Variants in SLC6A15 observed in about 807,000 individuals in gnomAD.
The protein encoded by SLC6A15 is sodium-dependent neutral amino acid transporter B(0)AT2.
Under a neutral mutation model 68.5 loss-of-function variants are expected in SLC6A15, and 33 were observed. The observed-to-expected ratio is 0.48, with a 90% confidence interval of 0.37 to 0.64. SLC6A15 has a LOEUF of 0.64. Ranked by LOEUF, SLC6A15 falls within the 30% of genes least tolerant of loss-of-function variation. The pLI is 0.00. For synonymous variants in SLC6A15, 347 were observed against 301.0 expected (o/e 1.15, Z -1.58); for missense variants, 747 against 874.3 (o/e 0.85, Z 1.84).
At chr12:84,868,747 G>A (rs2120554925) in intron 9 of SLC6A15, among the ~76,000 whole-genome samples, 3 of 152,172 alleles carry the variant, frequency 2.0e-5, no homozygotes, top group Admixed American at 2.0e-4. Flanking sequence ...ATTCCCCTTT[G>A]CTCTTTCCAA....
At chr12:84,875,728 G>T (rs2949793) in intron 6 of SLC6A15, among the ~76,000 whole-genome samples, 99,923 of 99,936 alleles carry the variant, frequency 1, 49,955 homozygotes, top group Middle Eastern at 1. Context: ...CCCTGTTAAA[G>T]CAGTATAAGA....
At position 84,892,317 on chromosome 12, in the gene SLC6A15, T is replaced by A; in HGVS notation, c.-188-9A>T. 2.2e-6 allele frequency: 1 copy of A among 462,830 alleles called. No individual in the cohort carries two copies. Among genetic ancestry groups the A allele is most frequent in the East Asian group, 3.4e-5 (1 of 29,598 alleles). 28.7% of individuals were successfully genotyped at this position (462,830 alleles called of 1,614,324 possible). ...CAGTATTCTGTAGGTACCTGTAAAA[T>A]TATAAGTTGAAATGTGATCATATTT... On this transcript the variant is annotated splice_polypyrimidine_tract_variant and intron_variant, in intron 1 of 11. Coordinates refer to ENST00000266682, the MANE Select transcript of SLC6A15 (RefSeq NM_182767.6).
chr12:84,882,689 G>A (rs771885049), intron 5 of SLC6A15: 41 of 172,810 alleles, frequency 2.4e-4, no homozygotes, highest in Non-Finnish European at 3.0e-4. Flanking sequence ...TAATAGCCAC[G>A]AAACTTTGGA....
chr12:84,890,483 C>T (rs1464554235), intron 2 of SLC6A15, among the ~76,000 whole-genome samples: 2 of 152,132 alleles, frequency 1.3e-5, no homozygotes, highest in African/African-American at 2.4e-5. Context: ...CAGGATAGTA[C>T]ATAGTTGCTT....
At chr12:84,891,020 T>C (rs1872365738) in intron 2 of SLC6A15, among the ~76,000 whole-genome samples, 1 of 152,126 alleles carries the variant, frequency 6.6e-6, no homozygotes, top group African/African-American at 2.4e-5. Flanking sequence ...TTAAATTCAG[T>C]TTGGTTTTGG....
Position 84,883,552 on chromosome 12 carries a change from A to C in SLC6A15, c.756+307T>G, listed in dbSNP as rs1871928904. On this transcript the variant is annotated intron_variant, in intron 5 of 11. Coordinates refer to ENST00000266682, the MANE Select transcript of SLC6A15 (RefSeq NM_182767.6). ...TAACTAATTGGTAATTAGAGAACTG[A>C]AACATTAGGACTAATTGAATAAAGG... 3.8e-6 allele frequency: 5 copies of C among 1,322,256 alleles called. No individual in the cohort carries two copies. The African/African-American group carries it at 6.0e-5, about 16-fold the overall frequency. 81.9% of individuals were successfully genotyped at this position (1,322,256 alleles called of 1,614,324 possible).
chr12:84,892,011 C>T lies in SLC6A15; in HGVS notation c.110G>A (p.Ser37Asn), dbSNP rs778698847. 10 of 1,614,004 alleles carry T rather than the reference C, an allele frequency of 6.2e-6. No individual in the cohort carries two copies. The highest frequency in any genetic ancestry group is 1.1e-5 in the South Asian group (1 of 91,078). Residue 37 changes from serine (S) to asparagine (N), a missense_variant, in exon 2 of 12, where the codon AGT becomes AAT. Coordinates refer to ENST00000266682, the MANE Select transcript of SLC6A15 (RefSeq NM_182767.6). Reference protein sequence around the residue: ...EDAADDAFKTSELIVDGQEEK... With the variant: ...EDAADDAFKTNELIVDGQEEK... ...TTCCTGGCCATCAACAATTAGTTCA[C>T]TTGTCTTAAAAGCATCATCAGCTGC...
chr12:84,885,189 T>C (rs1391462461), intron 4 of SLC6A15, among the ~76,000 whole-genome samples: 1 of 152,084 alleles, frequency 6.6e-6, no homozygotes, highest in Non-Finnish European at 1.5e-5. Context: ...AAGTGAAGGC[T>C]TATAATACTT....
At chr12:84,890,858 C>T (rs1872356386) in intron 2 of SLC6A15, among the ~76,000 whole-genome samples, 1 of 151,922 alleles carries the variant, frequency 6.6e-6, no homozygotes. Flanking sequence ...AATCAAATAC[C>T]AAAATATTCT....
chr12:84,905,462 A>G (rs1466908076), intron 1 of SLC6A15, among the ~76,000 whole-genome samples: 1 of 152,214 alleles, frequency 6.6e-6, no homozygotes, highest in Non-Finnish European at 1.5e-5. Flanking sequence ...TACTGGTGAA[A>G]GACTAAATGC....
chr12:84,872,688 C>G lies in SLC6A15; in HGVS notation c.1216G>C (p.Val406Leu), dbSNP rs1282191787. ...STVTAEDYHLVYDIIQKVKEE... is the reference protein window; with the variant it reads ...STVTAEDYHLLYDIIQKVKEE... ...TTCACTTTTTGAATGATGTCATAAA[C>G]TAAATGATAATCTTCTGCAGTAACA... Residue 406 changes from valine (V) to leucine (L), a missense_variant, in exon 8 of 12, where the codon GTT (valine) becomes CTT (leucine). Physicochemically the swap from Val to Leu is conservative, Grantham distance 32. Coordinates refer to ENST00000266682, the MANE Select transcript of SLC6A15 (RefSeq NM_182767.6). 15 of 1,612,778 alleles carry G rather than the reference C, an allele frequency of 9.3e-6. No homozygotes were observed. The highest frequency in any genetic ancestry group is 1.3e-5 in the Non-Finnish European group (15 of 1,179,438).
chr12:84,908,195 A>C (rs1873260276), intron 1 of SLC6A15, among the ~76,000 whole-genome samples: 1 of 152,130 alleles, frequency 6.6e-6, no homozygotes, highest in African/African-American at 2.4e-5. Context: ...ATTTGTCAAG[A>C]GCTCACAAGA....
intron 9 of SLC6A15, among the ~76,000 whole-genome samples, chr12:84,869,675 C>T (rs922308846): frequency 3.3e-5 from 5 of 152,128 alleles, no homozygotes; most frequent in Middle Eastern, 6.8e-3. Flanking sequence ...AAGATCCTTC[C>T]TCTTTCCAAT....
In SLC6A15 at chr12:84,876,605, G is replaced by T. The variant is rs866839249; in HGVS notation, c.759C>A (p.Ile253=). ...MIKGIQSSGK[I]IYFSSLFPYV... The stretch of plus-strand genomic sequence containing the variant: ...ATGGAAACAGAGAACTAAAATATAT[G>T]ATCTGCAAAGAAATAAAAATAAAAA... The change falls in exon 6 of 12, where the codon ATC becomes ATA. Residue 253 remains isoleucine, a splice_region_variant and synonymous_variant. Transcript: ENST00000266682. 1.3e-5 allele frequency: 18 copies of T among 1,429,724 alleles called. 1 individual carries two copies. The Middle Eastern group carries it at 2.0e-3, about 163-fold the overall frequency. The allele number at this position is 1,429,724 out of a possible 1,614,324, so 88.6% of individuals were successfully genotyped here.
intron 1 of SLC6A15, among the ~76,000 whole-genome samples, chr12:84,894,741 A>G (rs528842754): frequency 6.6e-6 from 1 of 152,154 alleles, no homozygotes; most frequent in Non-Finnish European, 1.5e-5. Flanking sequence ...ACCAATTTAC[A>G]TAAGTTATCC....
At chr12:84,876,655 T>C in intron 5 of SLC6A15, 48 bp from the exon 6 acceptor site, 1 of 864,444 alleles carries the variant, frequency 1.2e-6, no homozygotes, top group South Asian at 1.8e-5. Flanking sequence ...TGACCATTTT[T>C]TTATAGATAA....
intron 1 of SLC6A15, among the ~76,000 whole-genome samples, chr12:84,911,619 T>C (rs1032447851): frequency 6.6e-6 from 1 of 152,224 alleles, no homozygotes; most frequent in Non-Finnish European, 1.5e-5. Context: ...GGGTGGGTCA[T>C]GCCTGTTCCC....
In SLC6A15 at chr12:84,908,601, C is replaced by CATATAT. The variant is rs3084056; in HGVS notation, c.-189+3916_-189+3921dup. ...TATTAAAGGGCAAAGAGTAAAGAAA[C>CATATAT]ATATATATATATATATATATATATA... On this transcript the variant is annotated intron_variant, in intron 1 of 11. Transcript: ENST00000266682. 3.7e-3 allele frequency among the ~76,000 whole-genome samples: 514 copies of CATATAT among 140,498 alleles called. 6 individuals are homozygous for CATATAT. Among genetic ancestry groups the CATATAT allele is most frequent in the African/African-American group, 0.011 (413 of 38,872 alleles). 92.2% of individuals were successfully genotyped at this position (140,498 alleles called of 152,430 possible).
At chr12:84,864,974 T>C (rs1871008170) in intron 10 of SLC6A15, among the ~76,000 whole-genome samples, 1 of 152,214 alleles carries the variant, frequency 6.6e-6, no homozygotes, top group Non-Finnish European at 1.5e-5. Context: ...TAAATAGTGT[T>C]ATTCAGGAAC....
Sources: allele counts gnomAD v4.1 joint callset (sites outside exome capture counted in the v4.1 genomes callset), GRCh38; gene constraint gnomAD v4.1.1; transcripts MANE v1.5; gene names NCBI Gene and HGNC (gene_info 2026-07-23, HGNC 2026-07-21).